The following MCM2 variants were observed in gnomAD, a reference collection of about 807,000 sequenced individuals.
The protein encoded by MCM2 is minichromosome maintenance complex component 2, also known as DNA replication licensing factor MCM2.
In MCM2, 49 loss-of-function variants were observed where a neutral mutation model predicts 86.4. That is an observed-to-expected ratio of 0.57 (90% CI 0.45 to 0.72). The LOEUF (loss-of-function observed/expected upper bound fraction) is 0.72, where lower values mean the gene tolerates loss of function less well. MCM2 is among the 30% of genes least tolerant of loss of function. The pLI, the probability that MCM2 is intolerant of heterozygous loss-of-function variation, is 0.00. For synonymous variants in MCM2, 475 were observed against 484.6 expected, an observed-to-expected ratio of 0.98 and a Z score of 0.26; for missense variants, 1,038 against 1,259.9, an observed-to-expected ratio of 0.82 and a Z score of 2.67.
chr3:127,611,096 GTC>G (rs1373050981), intron 8 of MCM2: 1 of 394,778 alleles, frequency 2.5e-6, no homozygotes, highest in African/African-American at 2.1e-5. Context: ...GAGGAAGACA[GTC>G]ACACAGGCAA....
In MCM2 at chr3:127,614,559, A is replaced by C. The variant is rs540674239; in HGVS notation, c.1429-1303A>C. On this transcript the variant is annotated intron_variant, in intron 8 of 15. Transcript: ENST00000265056. ...TGAGCCTTGCAGTCGAGATATTGCT[A>C]ATTATGTCCCCATTAGACACACACC... Among the ~76,000 whole-genome samples, 6 of 152,300 alleles carry C rather than the reference A, an allele frequency of 3.9e-5. 1 individual carries two copies. In the South Asian group the frequency reaches 1.2e-3, roughly 32 times the overall value.
At position 127,598,434 on chromosome 3, in the gene MCM2, T is replaced by G; in HGVS notation, c.-33T>G. On this transcript the variant is annotated 5_prime_UTR_variant, in exon 1 of 16. Coordinates refer to ENST00000265056, the MANE Select transcript of MCM2 (RefSeq NM_004526.4). ...CACTTTTCGCGCGAAACCTGGTTGT[T>G]GCTGTAGTGGCGGAGAGGATCGTGG... 6.2e-7 allele frequency: 1 copy of G among 1,613,482 alleles called. No homozygotes were observed. The highest frequency in any genetic ancestry group is 8.5e-7 in the Non-Finnish European group (1 of 1,179,564).
intron 2 of MCM2, among the ~76,000 whole-genome samples, chr3:127,601,094 GTC>G (rs1331538518): frequency 4.6e-5 from 7 of 152,114 alleles, no homozygotes; most frequent in Non-Finnish European, 7.3e-5. Flanking sequence ...TTAAAGACCT[GTC>G]TCTAGATTTT....
intron 8 of MCM2, among the ~76,000 whole-genome samples, chr3:127,613,705 G>A (rs1020116653): frequency 6.6e-6 from 1 of 152,218 alleles, no homozygotes; most frequent in Non-Finnish European, 1.5e-5. Context: ...TTTCAAACAG[G>A]TATGTAGAAT....
chr3:127,604,689 G>A lies in MCM2; in HGVS notation c.318G>A (p.Thr106=), dbSNP rs774576955. 1.3e-5 allele frequency: 21 copies of A among 1,612,660 alleles called. No homozygotes were observed. Among genetic ancestry groups the A allele is most frequent in the South Asian group, 9.9e-5 (9 of 91,036 alleles). ...ATGATGAGGACGTAGAGGAGCTGAC[G>A]GCCAGTCAGAGGGAGGCAGCAGAGC... The part of the protein sequence containing the change: ...ALDDEDVEEL[T]ASQREAAERA... The change falls in exon 3 of 16, where the codon ACG becomes ACA. Residue 106 remains threonine (T), a synonymous_variant. Transcript: ENST00000265056.
At position 127,599,457 on chromosome 3, in the gene MCM2, TTGAGGA is replaced by T. The variant is rs780508768; in HGVS notation, c.151_156del (p.Asp51_Glu52del). 6.2e-7 allele frequency: 1 copy of T among 1,614,096 alleles called. No homozygotes were observed. The highest frequency in any genetic ancestry group is 1.1e-5 in the South Asian group (1 of 91,076). On this transcript the variant is annotated inframe_deletion, in exon 2 of 16. Transcript: ENST00000265056. ...AGCCCTGGCCGTGACCTTCCACCAT[TTGAGGA>T]TGAGTCCGAGGGGCTCCTAGGCACA...
rs1003815931 is a variant in MCM2, at chr3:127,618,198, T to C, written c.2013+117T>C. The C allele has an allele frequency of 7.8e-6, 6 of 769,336 alleles. No homozygotes were observed. In the Middle Eastern group the frequency reaches 1.1e-3, roughly 147 times the overall value. 47.7% of individuals were successfully genotyped at this position (769,336 alleles called of 1,614,324 possible). ...AGGTGCTGCAGGGGCCATAGGCTGT[T>C]TTCTAGTCCTGTTCCCTCGGTCTCT... On this transcript the variant is annotated intron_variant, in intron 12 of 15. Transcript: ENST00000265056. The surrounding 1 kb of genome is among the most constrained non-coding windows in gnomAD (Gnocchi z 4.0).
In MCM2 at chr3:127,606,881, C is replaced by T. The variant is rs1393492634; in HGVS notation, c.1101+64C>T. ...GGGGTGCCCAGTATGCAGGACCTGA[C>T]TGGCCTCTCAGGCTGTGGAAGACCA... On this transcript the variant is annotated intron_variant, in intron 6 of 15. Coordinates refer to ENST00000265056, the MANE Select transcript of MCM2 (RefSeq NM_004526.4). The surrounding 1 kb of genome is among the most constrained non-coding windows in gnomAD (Gnocchi z 4.2). 2 of 1,520,666 alleles carry T rather than the reference C, an allele frequency of 1.3e-6. No individual in the cohort carries two copies. The highest frequency in any genetic ancestry group is 2.7e-5 in the African/African-American group (2 of 72,980). The allele number at this position is 1,520,666 out of a possible 1,614,324, so 94.2% of individuals were successfully genotyped here. A position where few individuals can be genotyped will look rare whatever the true frequency, so the allele number is the denominator to read the frequency against.
chr3:127,606,033 G>A lies in MCM2; in HGVS notation c.674-85G>A, dbSNP rs6775966. The stretch of plus-strand genomic sequence containing the variant: ...TCAAAATCAATGGTCGGGGTGGGTA[G>A]GCCTTGCTTCTCACACAGGCATTGT... On this transcript the variant is annotated intron_variant, in intron 4 of 15. Transcript: ENST00000265056. The surrounding 1 kb of genome is among the most constrained non-coding windows in gnomAD (Gnocchi z 4.2). The A allele has an allele frequency of 9.9e-7, 1 of 1,009,350 alleles. No homozygotes were observed. The highest frequency in any genetic ancestry group is 1.6e-5 in the African/African-American group (1 of 63,108). The allele number at this position is 1,009,350 out of a possible 1,614,324, so 62.5% of individuals were successfully genotyped here.
At chr3:127,615,109 C>T (rs954054831) in intron 8 of MCM2, among the ~76,000 whole-genome samples, 3 of 152,188 alleles carry the variant, frequency 2.0e-5, no homozygotes, top group Admixed American at 2.0e-4. Context: ...CCCCTCTCCC[C>T]AGGCGAGGGC....
At position 127,617,778 on chromosome 3, in the gene MCM2, G is replaced by A; in HGVS notation, c.1901-191G>A. 1.7e-6 allele frequency: 1 copy of A among 599,810 alleles called. No homozygotes were observed. The highest frequency in any genetic ancestry group is 2.0e-5 in the South Asian group (1 of 50,798). The allele number at this position is 599,810 out of a possible 1,614,324, so 37.2% of individuals were successfully genotyped here. On this transcript the variant is annotated intron_variant, in intron 11 of 15. Transcript: ENST00000265056. This position sits in a 1 kb window ranked among gnomAD's most constrained non-coding sequence, Gnocchi z 4.1. ...TCCTGGGGAAGCAGTTATGCTTTCT[G>A]TCTAAATTAGGCTATTTTGGGCCCT... is the stretch of plus-strand genomic sequence containing the variant.
At position 127,605,087 on chromosome 3, in the gene MCM2, T is replaced by C; in HGVS notation, c.604T>C (p.Phe202Leu). The C allele has an allele frequency of 6.2e-7, 1 of 1,614,022 alleles. No homozygotes were observed. Among genetic ancestry groups the C allele is most frequent in the South Asian group, 1.1e-5 (1 of 91,088 alleles). Residue 202 changes from phenylalanine (F) to leucine (L), a missense_variant, in exon 4 of 16, where the codon TTC becomes CTC. Physicochemically the swap from Phe to Leu is conservative, Grantham distance 22 (BLOSUM62 0). This residue lies in a region of MCM2 where 300 missense variants were observed against 307.4 expected (regional missense o/e 0.98). Coordinates refer to ENST00000265056, the MANE Select transcript of MCM2 (RefSeq NM_004526.4). ...RLEIHHRFKN[F>L]LRTHVDSHGH... is the part of the protein sequence containing the mutation. ...GGAGATCCACCACCGCTTCAAGAAC[T>C]TCCTGCGCACTCACGTCGACAGCCA...
chr3:127,620,722 G>A lies in MCM2; in HGVS notation c.2290G>A (p.Val764Met). 1 of 1,607,428 alleles carries A rather than the reference G, an allele frequency of 6.2e-7. No homozygotes were observed. Among genetic ancestry groups the A allele is most frequent in the Non-Finnish European group, 8.5e-7 (1 of 1,175,192 alleles). Reference protein sequence around the residue: ...SMATGSIPITVRHIESMIRMA... With the variant: ...SMATGSIPITMRHIESMIRMA... Reference sequence around the variant, plus strand: ...GGCGACAGGCAGCATCCCCATTACGGTGCGGCACATCGAGTCCATGATCCG... The same window carrying A: ...GGCGACAGGCAGCATCCCCATTACGATGCGGCACATCGAGTCCATGATCCG... Residue 764 changes from valine (V) to methionine (M), a missense_variant, in exon 14 of 16, where the codon GTG (valine) becomes ATG (methionine). By Grantham distance (21) the Val-to-Met change is conservative. Transcript: ENST00000265056.
chr3:127,606,793 C>T lies in MCM2; in HGVS notation c.1077C>T (p.Gly359=). 6.2e-7 allele frequency: 1 copy of T among 1,614,224 alleles called. No homozygotes were observed. Among genetic ancestry groups the T allele is most frequent in the South Asian group, 1.1e-5 (1 of 91,086 alleles). The change falls in exon 6 of 16, where the codon GGC becomes GGT. Residue 359 remains glycine (G), a synonymous_variant. Coordinates refer to ENST00000265056, the MANE Select transcript of MCM2 (RefSeq NM_004526.4). The surrounding 1 kb of genome is among the most constrained non-coding windows in gnomAD (Gnocchi z 4.2). ...CCTGTCCTGAGTGCCAGTCGGCCGG[C>T]CCCTTTGAGGTCAACATGGAGGAGG... ...PGSCPECQSA[G]PFEVNMEETI... is the part of the protein sequence containing the mutation.
In MCM2 at chr3:127,608,769, G is replaced by A. The variant is rs1012825290; in HGVS notation, c.1237-63G>A. ...CTTGCAATAGGAGAAACTGGAGGAA[G>A]GCAGCACGGAGGTGGGCACCCCTGG... On this transcript the variant is annotated intron_variant, in intron 7 of 15. Transcript: ENST00000265056. 13 of 1,530,928 alleles carry A rather than the reference G, an allele frequency of 8.5e-6. No individual in the cohort carries two copies. The Admixed American group carries it at 1.4e-4, about 16-fold the overall frequency. The allele number at this position is 1,530,928 out of a possible 1,614,324, so 94.8% of individuals were successfully genotyped here.
rs751268720 is a variant in MCM2, at chr3:127,617,044, AGGG to A, written c.1700_1702del (p.Arg567_Glu568delinsLys). Reference sequence around the variant, plus strand: ...GTATGTCCAGCGGCACCCTGTCAGCAGGGAGTGGACCTTGGAGGCTGGGGCCCT... The same window carrying A: ...GTATGTCCAGCGGCACCCTGTCAGCAAGTGGACCTTGGAGGCTGGGGCCCT... On this transcript the variant is annotated inframe_deletion, in exon 10 of 16. Transcript: ENST00000265056. This position sits in a 1 kb window ranked among gnomAD's most constrained non-coding sequence, Gnocchi z 4.1. 1 of 1,614,046 alleles carries A rather than the reference AGGG, an allele frequency of 6.2e-7. No individual in the cohort carries two copies. Among genetic ancestry groups the A allele is most frequent in the Non-Finnish European group, 8.5e-7 (1 of 1,180,036 alleles).
At chr3:127,610,672 T>G in intron 8 of MCM2, 2 of 416,506 alleles carry the variant, frequency 4.8e-6, no homozygotes, top group Non-Finnish European at 9.7e-6. Context: ...TCAAGTGTAT[T>G]GCGTGTCTTT....
intron 2 of MCM2, among the ~76,000 whole-genome samples, chr3:127,603,300 A>G (rs544837367): frequency 5.9e-5 from 9 of 151,598 alleles, no homozygotes; most frequent in South Asian, 2.1e-4. Flanking sequence ...CCCTGGCCCA[A>G]AATTTACCAT....
At chr3:127,620,574 T>G in intron 13 of MCM2, 124 bp from the exon 14 acceptor site, 2 of 971,140 alleles carry the variant, frequency 2.1e-6, no homozygotes, top group Non-Finnish European at 3.1e-6. Flanking sequence ...TCAAGCATTC[T>G]GCATTTCTGC....
Sources: allele counts gnomAD v4.1 joint callset (sites outside exome capture counted in the v4.1 genomes callset), GRCh38; gene constraint gnomAD v4.1.1; regional missense constraint gnomAD v4.1.1; non-coding constraint Gnocchi (gnomAD v3.1); transcripts MANE v1.5; gene names NCBI Gene and HGNC (gene_info 2026-07-23, HGNC 2026-07-21).